SAMMSON: variants seen among roughly 807,000 people sequenced by gnomAD.
The protein encoded by SAMMSON is long intergenic non-protein coding RNA 1212.
chr3:70,369,734 A>T (rs1702950765), intron 9 of SAMMSON, among the ~76,000 whole-genome samples: 1 of 151,888 alleles, frequency 6.6e-6, no homozygotes, highest in Non-Finnish European at 1.5e-5. Context: ...ATATTTTGTT[A>T]CATTCCTAGA....
chr3:70,151,856 T>C (rs2106687571), intron 4 of SAMMSON, among the ~76,000 whole-genome samples: 1 of 152,154 alleles, frequency 6.6e-6, no homozygotes, highest in South Asian at 2.1e-4. Flanking sequence ...GTGAATTGTT[T>C]CTCAATCTCT....
chr3:70,405,777 A>G (rs771122613), intron 2 of SAMMSON, among the ~76,000 whole-genome samples: 31 of 152,220 alleles, frequency 2.0e-4, no homozygotes, highest in African/African-American at 6.5e-4. Flanking sequence ...CAGAAAAAGT[A>G]TTTAAAGAAA....
In SAMMSON at chr3:70,036,040, A is replaced by G. The variant is rs144264255; in HGVS notation, n.417+22368A>G. ...AGGTAAGTATAGATGATTGTCTTCA[A>G]TGGGCTTACAGTCAGATAAAATGGT... On this transcript the variant is annotated intron_variant and non_coding_transcript_variant, in intron 3 of 9. Transcript: ENST00000642114. 1.8e-3 allele frequency among the ~76,000 whole-genome samples: 280 copies of G among 152,320 alleles called. 2 individuals carry two copies. The highest frequency in any genetic ancestry group is 6.5e-3 in the African/African-American group (271 of 41,580).
chr3:70,379,160 C>T (rs1321274766), intron 9 of SAMMSON, among the ~76,000 whole-genome samples: 2 of 151,320 alleles, frequency 1.3e-5, no homozygotes, highest in Admixed American at 6.6e-5. Flanking sequence ...ATTACAGGCA[C>T]GCACCACCAC....
chr3:70,311,841 G>A (rs998110389), intron 7 of SAMMSON: 62 of 396,558 alleles, frequency 1.6e-4, no homozygotes, highest in African/African-American at 1.2e-3. Flanking sequence ...ATAAACAAAA[G>A]CAAAATTTTC....
intron 7 of SAMMSON, among the ~76,000 whole-genome samples, chr3:70,347,796 A>C (rs1033693964): frequency 1.3e-5 from 2 of 152,214 alleles, no homozygotes; most frequent in African/African-American, 4.8e-5. Flanking sequence ...TAATCCCAGC[A>C]CTTTGGGAGG....
intron 2 of SAMMSON, among the ~76,000 whole-genome samples, chr3:70,402,668 C>T (rs549153035): frequency 4.1e-4 from 63 of 152,204 alleles, no homozygotes; most frequent in African/African-American, 1.4e-3. Context: ...TCAAGACCAG[C>T]CTGGCCAACA....
At chr3:70,174,564 T>C (rs1411483175) in intron 4 of SAMMSON, among the ~76,000 whole-genome samples, 1 of 151,986 alleles carries the variant, frequency 6.6e-6, no homozygotes, top group Non-Finnish European at 1.5e-5. Flanking sequence ...CCATTAATTA[T>C]AAGAAAAAAA....
chr3:70,358,528 C>T (rs2106738626), intron 9 of SAMMSON, among the ~76,000 whole-genome samples: 1 of 152,152 alleles, frequency 6.6e-6, no homozygotes, highest in Non-Finnish European at 1.5e-5. Flanking sequence ...TCATGGAAGG[C>T]CTCTTTGAAA....
chr3:70,276,378 A>T (rs764793731), intron 6 of SAMMSON, among the ~76,000 whole-genome samples: 28 of 152,308 alleles, frequency 1.8e-4, no homozygotes, highest in Non-Finnish European at 3.5e-4. Flanking sequence ...AATGTATGTT[A>T]ATTCTATTGT....
rs117190085 is a variant in SAMMSON at position 70,403,822 on chromosome 3, A to C, written n.233+45498A>C. Among the ~76,000 whole-genome samples, 1,075 of 152,314 alleles carry C rather than the reference A, an allele frequency of 7.1e-3. 21 individuals carry two copies. The highest frequency in any genetic ancestry group is 0.042 in the East Asian group (217 of 5,186). ...ATGTACACAAATATGTGTATACATA[A>C]TGTATACAGATAAGTATGTATATGT... On this transcript the variant is annotated intron_variant and non_coding_transcript_variant, in intron 2 of 3. Transcript: ENST00000641053.
intron 4 of SAMMSON, among the ~76,000 whole-genome samples, chr3:70,192,008 T>C (rs1701134419): frequency 6.6e-6 from 1 of 151,938 alleles, no homozygotes; most frequent in Non-Finnish European, 1.5e-5. Flanking sequence ...TAAAATAAAT[T>C]AATAAAAATA....
intron 2 of SAMMSON, among the ~76,000 whole-genome samples, chr3:70,399,646 A>T (rs190530353): frequency 6.6e-6 from 1 of 152,120 alleles, no homozygotes; most frequent in Non-Finnish European, 1.5e-5. Flanking sequence ...CAGTTGGATC[A>T]CCTGAGGTCA....
intron 4 of SAMMSON, among the ~76,000 whole-genome samples, chr3:70,079,007 T>G (rs1453603188): frequency 6.6e-6 from 1 of 152,220 alleles, no homozygotes; most frequent in African/African-American, 2.4e-5. Flanking sequence ...GTGCTCTTCT[T>G]TTATGTACTA....
At chr3:70,136,984 T>C (rs1478285160) in intron 4 of SAMMSON, among the ~76,000 whole-genome samples, 3 of 152,222 alleles carry the variant, frequency 2.0e-5, no homozygotes, top group Non-Finnish European at 4.4e-5. Flanking sequence ...TATGTACCTT[T>C]TATTTTATCA....
chr3:70,137,488 T>C (rs898458634), intron 4 of SAMMSON: 21 of 152,186 alleles, frequency 1.4e-4, no homozygotes, highest in Non-Finnish European at 7.4e-5. Flanking sequence ...AAAAGTCTTA[T>C]TGGGACACAA....
At chr3:70,030,795 A>C (rs2067062696) in intron 3 of SAMMSON, 1 of 152,228 alleles carries the variant, frequency 6.6e-6, no homozygotes, top group African/African-American at 2.4e-5. Flanking sequence ...AAAGATGCTC[A>C]ACTCAACATT....
chr3:70,206,733 A>G, intron 4 of SAMMSON: 2 of 397,876 alleles, frequency 5.0e-6, no homozygotes, highest in Non-Finnish European at 8.9e-6. Context: ...TACTGAATTT[A>G]TAACAATAGC....
rs533639176 is a variant in SAMMSON, at chr3:70,247,888, A to T, written n.508-1219A>T. On this transcript the variant is annotated intron_variant and non_coding_transcript_variant, in intron 4 of 9. Transcript: ENST00000642114. ...AAAATAATATCATAAGTTATTTTTT[A>T]TAAGTTTCTGTTTTCTGTAGTAAAG... 2.3e-3 allele frequency among the ~76,000 whole-genome samples: 355 copies of T among 152,208 alleles called. 3 individuals are homozygous for T. Among genetic ancestry groups the T allele is most frequent in the African/African-American group, 8.2e-3 (343 of 41,576 alleles).
Sources: gnomAD v4.1 joint callset for allele counts (sites outside exome capture counted in the v4.1 genomes callset) on GRCh38, gnomAD v4.1.1 for gene constraint, MANE v1.5 for transcripts, NCBI Gene and HGNC (gene_info 2026-07-23, HGNC 2026-07-21) for gene names.